The following SLC4A9 variants were observed in gnomAD, a reference collection of about 807,000 sequenced individuals.
SLC4A9 encodes anion exchange protein 4.
In SLC4A9, 102 loss-of-function variants were observed where a neutral mutation model predicts 103.2. The ratio of observed to expected loss-of-function variants is 0.99; its 90% CI spans 0.84 to 1.17. The LOEUF (loss-of-function observed/expected upper bound fraction) is 1.17. Ranked by LOEUF, SLC4A9 falls within the 50% of genes most tolerant of loss-of-function variation. The pLI is 0.00. For synonymous variants in SLC4A9, 453 were observed against 483.6 expected, an observed-to-expected ratio of 0.94 and a Z score of 0.83; for missense variants, 1,091 against 1,193.7, an observed-to-expected ratio of 0.91 and a Z score of 1.27.
intron 11 of SLC4A9, among the ~76,000 whole-genome samples, chr5:140,364,937 A>C (rs931804603): frequency 2.0e-5 from 3 of 152,252 alleles, no homozygotes; most frequent in Non-Finnish European, 2.9e-5. Flanking sequence ...GTTTGAGACT[A>C]TCTTACCCCA....
chr5:140,362,175 GT>G lies in SLC4A9; in HGVS notation c.719+2del, dbSNP rs765220137. On this transcript the variant is annotated splice_donor_variant, in intron 5 of 21. Coordinates refer to ENST00000506757, the MANE Select transcript of SLC4A9 (RefSeq NM_031467.3). LOFTEE classifies it high-confidence loss of function. ...TTACTGAGGTGTCCCTCCCAAGCAG[GT>G]GAGGCTACTGAGTGAGTGGGAGTCA... 3 of 1,528,552 alleles carry G rather than the reference GT, an allele frequency of 2.0e-6. No homozygotes were observed. The South Asian group carries it at 3.9e-5, about 20-fold the overall frequency. The allele number at this position is 1,528,552 out of a possible 1,614,324, so 94.7% of individuals were successfully genotyped here.
rs1283106766 is a variant in SLC4A9 at position 140,363,398 on chromosome 5, T to C, written c.963-41T>C. On this transcript the variant is annotated intron_variant, in intron 7 of 21. Coordinates refer to ENST00000506757, the MANE Select transcript of SLC4A9 (RefSeq NM_031467.3). The surrounding 1 kb of genome is among the most constrained non-coding windows in gnomAD (Gnocchi z 4.5). The stretch of plus-strand genomic sequence containing the variant: ...AGCTCTGGACCGAGTCGCAGACTGG[T>C]TGGAGATCCTCAGCCAACCTGGGGT... The C allele has an allele frequency of 1.4e-5, 22 of 1,525,456 alleles. No individual in the cohort carries two copies. The highest frequency in any genetic ancestry group is 1.7e-4 in the Middle Eastern group (1 of 5,942). The allele number at this position is 1,525,456 out of a possible 1,614,324, so 94.5% of individuals were successfully genotyped here. A position where few individuals can be genotyped will look rare whatever the true frequency, so the allele number is the denominator to read the frequency against.
chr5:140,360,600 C>T (rs1450012620), intron 1 of SLC4A9, 134 bp downstream of exon 1: 2 of 1,134,592 alleles, frequency 1.8e-6, no homozygotes, highest in African/African-American at 3.1e-5. Context: ...ATTTCAGGGT[C>T]TTACCTTCCA....
Position 140,360,434 on chromosome 5 carries a change from G to A in SLC4A9, c.198G>A (p.Trp66Ter), listed in dbSNP as rs1476430037. Reference sequence around the variant, plus strand: ...TTCAGCTGAATGAGCTGCTGGGCTGGCCCCAGGCGCTGGAGTGGAGAGAGA... The same window carrying A: ...TTCAGCTGAATGAGCTGCTGGGCTGACCCCAGGCGCTGGAGTGGAGAGAGA... ...LFIQLNELLG[W>*]PQALEWRETG... Residue 66 changes from tryptophan to a stop codon, truncating the protein, a stop_gained, in exon 1 of 22, where the codon TGG (tryptophan) becomes TGA (stop). Transcript: ENST00000506757. LOFTEE classifies it high-confidence loss of function. 1 of 1,588,492 alleles carries A rather than the reference G, an allele frequency of 6.3e-7. No individual in the cohort carries two copies. Among genetic ancestry groups the A allele is most frequent in the Admixed American group, 1.8e-5 (1 of 56,594 alleles).
At chr5:140,365,376 C>A in intron 11 of SLC4A9, 144 bp from the exon 12 acceptor site, 1 of 674,960 alleles carries the variant, frequency 1.5e-6, no homozygotes, top group Non-Finnish European at 2.6e-6. Context: ...CCTTCTCGCA[C>A]ACTTGGTAGT....
rs749201866 is a variant in SLC4A9, at chr5:140,363,793, A to C, written c.1145A>C (p.Asp382Ala). ...CCGTGGTACCCCAGCGATTTCTTGG[A>C]CGCCCTGCATCTCCAGTGCTTCTCG... ...KVPWYPSDFL[D>A]ALHLQCFSAV... The change falls in exon 9 of 22, where the codon GAC becomes GCC. Residue 382 changes from aspartate (D) to alanine (A), a missense_variant. Physicochemically the swap from Asp to Ala is moderately radical, Grantham distance 126. Coordinates refer to ENST00000506757, the MANE Select transcript of SLC4A9 (RefSeq NM_031467.3). This position sits in a 1 kb window ranked among gnomAD's most constrained non-coding sequence, Gnocchi z 4.5. 1 of 1,613,836 alleles carries C rather than the reference A, an allele frequency of 6.2e-7. No homozygotes were observed. The highest frequency in any genetic ancestry group is 8.5e-7 in the Non-Finnish European group (1 of 1,179,820).
intron 6 of SLC4A9, 113 bp from the exon 7 acceptor site, chr5:140,362,799 T>C (rs1581134746): frequency 7.5e-7 from 1 of 1,336,708 alleles, no homozygotes; most frequent in East Asian, 2.3e-5. Flanking sequence ...TAAAGGAATG[T>C]GTGAATGACT....
At chr5:140,368,516 A>T in intron 16 of SLC4A9, 71 bp from the exon 17 acceptor site, 1 of 1,375,824 alleles carries the variant, frequency 7.3e-7, no homozygotes, top group South Asian at 1.3e-5. Flanking sequence ...ACTGGTATTC[A>T]GCCAGGATCT....
chr5:140,375,020 A>G lies in SLC4A9; in HGVS notation c.*239A>G, dbSNP rs1769288527. 1 of 152,090 alleles carries G rather than the reference A, an allele frequency of 6.6e-6. No homozygotes were observed. The highest frequency in any genetic ancestry group is 1.5e-5 in the Non-Finnish European group (1 of 68,022). The allele number at this position is 152,090 out of a possible 1,614,324, so 9.4% of individuals were successfully genotyped here. A position where few individuals can be genotyped will look rare whatever the true frequency, so the allele number is the denominator to read the frequency against. On this transcript the variant is annotated 3_prime_UTR_variant, in exon 22 of 22. Transcript: ENST00000506757. ...GGTCCTGAGCCACGAAGCGCTTCCC[A>G]TTTTGAACTTTCTGTCCTCACAGAT...
chr5:140,364,522 C>T lies in SLC4A9; in HGVS notation c.1548C>T (p.Ile516=). 1.2e-6 allele frequency: 2 copies of T among 1,610,906 alleles called. No individual in the cohort carries two copies. The highest frequency in any genetic ancestry group is 1.3e-5 in the African/African-American group (1 of 74,980). ...GTGCCCTCATCAGCCTCATCTTCAT[C>T]TACGATGCTGTGGGCAAAATGCTGA... ...GFCALISLIF[I]YDAVGKMLNL... The change falls in exon 11 of 22, where the codon ATC becomes ATT. Residue 516 remains isoleucine (I), a synonymous_variant. Coordinates refer to ENST00000506757, the MANE Select transcript of SLC4A9 (RefSeq NM_031467.3).
intron 21 of SLC4A9, among the ~76,000 whole-genome samples, chr5:140,373,167 G>A (rs1768972166): frequency 6.6e-6 from 1 of 151,818 alleles, no homozygotes; most frequent in Non-Finnish European, 1.5e-5. Flanking sequence ...GAGGAAGGGA[G>A]GAGAAAGCCT....
At chr5:140,372,140 T>C (rs1768812652) in intron 19 of SLC4A9, 102 bp from the exon 20 acceptor site, 1 of 1,049,730 alleles carries the variant, frequency 9.5e-7, no homozygotes, top group South Asian at 1.9e-5. Flanking sequence ...GTGAAACTGA[T>C]ATACAATGCC....
chr5:140,366,641 C>T (rs2126772425), intron 14 of SLC4A9, among the ~76,000 whole-genome samples: 1 of 152,316 alleles, frequency 6.6e-6, no homozygotes, highest in South Asian at 2.1e-4. Context: ...ATAGTTCCTA[C>T]CCCGTAGATT....
rs747889964 is a variant in SLC4A9 at position 140,363,779 on chromosome 5, C to T, written c.1131C>T (p.Pro377=). 1.2e-6 allele frequency: 2 copies of T among 1,613,932 alleles called. No homozygotes were observed. The highest frequency in any genetic ancestry group is 2.2e-5 in the South Asian group (2 of 91,086). ...QDVRRKVPWY[P]SDFLDALHLQ... is the part of the protein sequence containing the mutation. ...TGCGCAGGAAGGTCCCGTGGTACCC[C>T]AGCGATTTCTTGGACGCCCTGCATC... Residue 377 remains proline (P), a synonymous_variant, in exon 9 of 22, where the codon CCC becomes CCT. Coordinates refer to ENST00000506757, the MANE Select transcript of SLC4A9 (RefSeq NM_031467.3). The surrounding 1 kb of genome is among the most constrained non-coding windows in gnomAD (Gnocchi z 4.5).
chr5:140,367,451 C>T lies in SLC4A9; in HGVS notation c.2045C>T (p.Ser682Leu). ...CTCCCTGGGCGTGGCTGGCTGGTGT[C>T]ACCTTTTGGAGCCAACCCCTGGTGG... ...PTLPGRGWLVSPFGANPWWWS... is the reference protein window; with the variant it reads ...PTLPGRGWLVLPFGANPWWWS... Residue 682 changes from serine (S) to leucine (L), a missense_variant, in exon 15 of 22, where the codon TCA becomes TTA. Physicochemically the swap from Ser to Leu is moderately radical, Grantham distance 145. Transcript: ENST00000506757. 2 of 1,610,982 alleles carry T rather than the reference C, an allele frequency of 1.2e-6. No individual in the cohort carries two copies. Among genetic ancestry groups the T allele is most frequent in the Non-Finnish European group, 1.7e-6 (2 of 1,178,826 alleles).
chr5:140,367,840 C>G lies in SLC4A9; in HGVS notation c.2296C>G (p.Leu766Val), dbSNP rs767491425. ...TVISLAHMDS[L>V]RRESRACAPG... ...CATCTCCCTGGCTCACATGGACAGT[C>G]TTCGGAGAGAGAGCAGAGCCTGTGC... The change falls in exon 16 of 22, where the codon CTT becomes GTT. Residue 766 changes from leucine (L) to valine (V), a missense_variant. Transcript: ENST00000506757. 25 of 1,613,986 alleles carry G rather than the reference C, an allele frequency of 1.5e-5. No individual in the cohort carries two copies. Among genetic ancestry groups the G allele is most frequent in the Non-Finnish European group, 2.1e-5 (25 of 1,179,870 alleles).
chr5:140,361,026 G>A, intron 2 of SLC4A9, 54 bp downstream of exon 2: 2 of 1,467,312 alleles, frequency 1.4e-6, no homozygotes, highest in South Asian at 2.7e-5. Flanking sequence ...TTTTCCCCAG[G>A]ATTTCCCCTC....
In SLC4A9 at chr5:140,365,951, C is replaced by T; in HGVS notation, c.1828C>T (p.Leu610Phe). ...VPDIAFFSLL[L>F]FLTSFFFAMA... Reference sequence around the variant, plus strand: ...AGACATTGCCTTCTTCTCCCTTCTCCTCTTCCTTACTTCTTTCTTCTTTGC... The same window carrying T: ...AGACATTGCCTTCTTCTCCCTTCTCTTCTTCCTTACTTCTTTCTTCTTTGC... The change falls in exon 13 of 22, where the codon CTC becomes TTC. Residue 610 changes from leucine to phenylalanine, a missense_variant. Physicochemically the swap from Leu to Phe is conservative, Grantham distance 22. Coordinates refer to ENST00000506757, the MANE Select transcript of SLC4A9 (RefSeq NM_031467.3). 4 of 1,614,060 alleles carry T rather than the reference C, an allele frequency of 2.5e-6. No homozygotes were observed. Among genetic ancestry groups the T allele is most frequent in the Non-Finnish European group, 3.4e-6 (4 of 1,179,908 alleles).
chr5:140,365,909 G>T lies in SLC4A9; in HGVS notation c.1786G>T (p.Gly596Cys). 6.2e-7 allele frequency: 1 copy of T among 1,614,022 alleles called. No homozygotes were observed. Among genetic ancestry groups the T allele is most frequent in the Non-Finnish European group, 8.5e-7 (1 of 1,179,890 alleles). Residue 596 changes from glycine (G) to cysteine (C), a missense_variant, in exon 13 of 22, where the codon GGC (glycine) becomes TGC (cysteine). By Grantham distance (159) the Gly-to-Cys change is radical (BLOSUM62 -3). Transcript: ENST00000506757. ...GCAGGGAGGCCACCCTCGTGGCCCT[G>T]GCTGTCATACAGTCCCAGACATTGC... is the stretch of plus-strand genomic sequence containing the variant. ...TRQGGHPRGP[G>C]CHTVPDIAFF...
Sources: gnomAD v4.1 joint callset for allele counts (sites outside exome capture counted in the v4.1 genomes callset) on GRCh38, gnomAD v4.1.1 for gene constraint, Gnocchi (gnomAD v3.1) non-coding constraint, MANE v1.5 for transcripts, NCBI Gene and HGNC (gene_info 2026-07-23, HGNC 2026-07-21) for gene names.